Variants in NSUN7 observed in about 807,000 individuals in gnomAD.
NSUN7 encodes protein NSUN7.
Under a neutral mutation model 58.5 loss-of-function variants are expected in NSUN7, and 39 were observed. The observed-to-expected ratio is 0.67, with a 90% CI of 0.52 to 0.87. The LOEUF (loss-of-function observed/expected upper bound fraction) is 0.87. NSUN7 is among the 40% of genes least tolerant of loss of function. The pLI is 0.00. For synonymous variants in NSUN7, 278 were observed against 303.7 expected, an observed-to-expected ratio of 0.92 and a Z score of 0.88; for missense variants, 765 against 844.1, an observed-to-expected ratio of 0.91 and a Z score of 1.16.
intron 9 of NSUN7, among the ~76,000 whole-genome samples, chr4:40,795,493 A>C (rs1743283284): frequency 6.6e-6 from 1 of 152,348 alleles, no homozygotes; most frequent in East Asian, 1.9e-4. Context: ...TTTTAATTGG[A>C]TATTTCAAGC....
At chr4:40,754,869 A>G (rs1741061986) in intron 2 of NSUN7, among the ~76,000 whole-genome samples, 1 of 152,070 alleles carries the variant, frequency 6.6e-6, no homozygotes, top group Non-Finnish European at 1.5e-5. Context: ...GATGTCCTTC[A>G]TTGTATATAA....
Position 40,761,307 on chromosome 4 carries a change from C to A in NSUN7, c.488+6C>A. ...GTAGAGAACCTTCTTAACAGGTAAT[C>A]GTAAAAGTGAAAAGAATGTTTTATA... On this transcript the variant is annotated splice_donor_region_variant and intron_variant, in intron 4 of 11. Transcript: ENST00000381782. The A allele has an allele frequency of 6.3e-7, 1 of 1,597,126 alleles. No homozygotes were observed. The highest frequency in any genetic ancestry group is 1.1e-5 in the South Asian group (1 of 88,432).
In NSUN7 at chr4:40,774,859, A is replaced by G. The variant is rs2154287651; in HGVS notation, c.734A>G (p.Gln245Arg). The change falls in exon 6 of 12, where the codon CAA becomes CGA. Residue 245 changes from glutamine to arginine, a missense_variant. Physicochemically the swap from Gln to Arg is conservative, Grantham distance 43. Coordinates refer to ENST00000381782, the MANE Select transcript of NSUN7 (RefSeq NM_024677.6). ...GATGATAAAGTCTTTGCTGTGGATCAACATTGCTATGATGTCTTAATTTTT... is the reference window on the plus strand; with the variant it reads ...GATGATAAAGTCTTTGCTGTGGATCGACATTGCTATGATGTCTTAATTTTT... ...HIDDKVFAVD[Q>R]HCYDVLIFPS... 6.8e-7 allele frequency: 1 copy of G among 1,475,178 alleles called. No homozygotes were observed. Among genetic ancestry groups the G allele is most frequent in the South Asian group, 1.1e-5 (1 of 87,682 alleles). The allele number at this position is 1,475,178 out of a possible 1,614,324, so 91.4% of individuals were successfully genotyped here. A position where few individuals can be genotyped will look rare whatever the true frequency, so the allele number is the denominator to read the frequency against.
chr4:40,801,901 CAAAAAA>C (rs56868885), intron 10 of NSUN7, among the ~76,000 whole-genome samples: 29,214 of 107,474 alleles, frequency 0.27, 3,568 homozygotes, highest in East Asian at 0.46. Context: ...GACTCTGTCT[CAAAAAA>C]AAAAAAAAAA....
chr4:40,797,362 A>G (rs537420303), intron 9 of NSUN7, among the ~76,000 whole-genome samples: 1 of 152,092 alleles, frequency 6.6e-6, no homozygotes, highest in Non-Finnish European at 1.5e-5. Context: ...CTAAGCTTAT[A>G]TTTCCAGCTG....
rs1225888129 is a variant in NSUN7 at position 40,798,902 on chromosome 4, C to T, written c.1398C>T (p.Tyr466=). The change falls in exon 10 of 12, where the codon TAC becomes TAT. Residue 466 remains tyrosine (Y), a splice_region_variant and synonymous_variant. Transcript: ENST00000381782. The part of the protein sequence containing the change: ...FQDLGNKGQP[Y]RLSPPVLPLC... ...ACCTTGGGAATAAAGGACAACCTTA[C>T]AGGTAAGAAAAGGAAGGATTCTTCT... 6 of 1,520,156 alleles carry T rather than the reference C, an allele frequency of 3.9e-6. No individual in the cohort carries two copies. Among genetic ancestry groups the T allele is most frequent in the Non-Finnish European group, 5.5e-6 (6 of 1,100,328 alleles). The allele number at this position is 1,520,156 out of a possible 1,614,324, so 94.2% of individuals were successfully genotyped here. A position where few individuals can be genotyped will look rare whatever the true frequency, so the allele number is the denominator to read the frequency against.
At position 40,777,495 on chromosome 4, in the gene NSUN7, C is replaced by T. The variant is rs565530815; in HGVS notation, c.1036+1236C>T. 3.3e-5 allele frequency among the ~76,000 whole-genome samples: 5 copies of T among 152,004 alleles called. No homozygotes were observed. The South Asian group carries it at 8.3e-4, about 25-fold the overall frequency. ...ATTACAGGTACTCGCCAACATGCCC[C>T]GCTAATTTTTGTATTTCACCATGTT... On this transcript the variant is annotated intron_variant, in intron 7 of 11. Coordinates refer to ENST00000381782, the MANE Select transcript of NSUN7 (RefSeq NM_024677.6).
intron 2 of NSUN7, among the ~76,000 whole-genome samples, chr4:40,751,751 T>G (rs1740844539): frequency 6.6e-6 from 1 of 152,078 alleles, no homozygotes; most frequent in African/African-American, 2.4e-5. Flanking sequence ...CCCAGCACTT[T>G]TCGAAGCCAA....
At chr4:40,786,978 A>G (rs544005239) in intron 7 of NSUN7, among the ~76,000 whole-genome samples, 3 of 152,068 alleles carry the variant, frequency 2.0e-5, no homozygotes, top group Non-Finnish European at 4.4e-5. Flanking sequence ...TAGTAAATTG[A>G]CCAGAACACA....
At position 40,775,079 on chromosome 4, in the gene NSUN7, T is replaced by C. The variant is rs1187712380; in HGVS notation, c.825+129T>C. On this transcript the variant is annotated intron_variant, in intron 6 of 11. Coordinates refer to ENST00000381782, the MANE Select transcript of NSUN7 (RefSeq NM_024677.6). The surrounding 1 kb of genome is among the most constrained non-coding windows in gnomAD (Gnocchi z 4.3). ...TATCAGGGAGGTTTATAAGGCCTAA[T>C]TGTCACCTTGAATAAAATTAATACC... The C allele has an allele frequency of 2.1e-6, 1 of 468,354 alleles. No homozygotes were observed. Among genetic ancestry groups the C allele is most frequent in the Admixed American group, 4.0e-5 (1 of 25,182 alleles). 29.0% of individuals were successfully genotyped at this position (468,354 alleles called of 1,614,324 possible).
At chr4:40,781,478 G>A (rs1218939255) in intron 7 of NSUN7, among the ~76,000 whole-genome samples, 1 of 151,820 alleles carries the variant, frequency 6.6e-6, no homozygotes, top group Non-Finnish European at 1.5e-5. Flanking sequence ...ACGGGGTCTC[G>A]CTCTGTCACC....
chr4:40,806,556 C>T (rs980817524), intron 10 of NSUN7, among the ~76,000 whole-genome samples: 6 of 152,130 alleles, frequency 3.9e-5, no homozygotes, highest in African/African-American at 1.2e-4. Flanking sequence ...CACTATGTAA[C>T]TCATCTATTA....
chr4:40,778,077 T>C (rs1742355115), intron 7 of NSUN7, among the ~76,000 whole-genome samples: 1 of 152,128 alleles, frequency 6.6e-6, no homozygotes, highest in Non-Finnish European at 1.5e-5. Context: ...TACAGTAAAT[T>C]ACACAGAAAT....
At chr4:40,799,334 G>T (rs1356912234) in intron 10 of NSUN7, among the ~76,000 whole-genome samples, 1 of 151,858 alleles carries the variant, frequency 6.6e-6, no homozygotes, top group Non-Finnish European at 1.5e-5. Context: ...TAATCCACCT[G>T]CCTTGGCCTC....
intron 2 of NSUN7, 152 bp from the exon 3 acceptor site, chr4:40,760,282 G>T (rs1741384981): frequency 1.5e-6 from 1 of 645,842 alleles, no homozygotes; most frequent in Non-Finnish European, 2.7e-6. Context: ...ATTTCATCAT[G>T]TCACTGTAAT....
chr4:40,760,860 C>T lies in NSUN7; in HGVS notation c.358-311C>T, dbSNP rs1340223129. Reference sequence around the variant, plus strand: ...CTAGACAACAAGAGTGAAACTCCGTCTCAAAAAAAAAAAAAAAAAAAGATT... The same window carrying T: ...CTAGACAACAAGAGTGAAACTCCGTTTCAAAAAAAAAAAAAAAAAAAGATT... On this transcript the variant is annotated intron_variant, in intron 3 of 11. Coordinates refer to ENST00000381782, the MANE Select transcript of NSUN7 (RefSeq NM_024677.6). 5.6e-5 allele frequency among the ~76,000 whole-genome samples: 7 copies of T among 125,784 alleles called. No homozygotes were observed. In the South Asian group the frequency reaches 1.8e-3, roughly 32 times the overall value. 82.5% of individuals were successfully genotyped at this position (125,784 alleles called of 152,430 possible).
chr4:40,759,372 T>C (rs1375824496), intron 2 of NSUN7, among the ~76,000 whole-genome samples: 2 of 152,162 alleles, frequency 1.3e-5, no homozygotes, highest in Admixed American at 1.3e-4. Flanking sequence ...GTTTAAGTAG[T>C]CGTACCAAAA....
chr4:40,750,580 G>T (rs1740765434), intron 1 of NSUN7, 23 bp from the exon 2 acceptor site: 18 of 1,260,904 alleles, frequency 1.4e-5, no homozygotes, highest in Non-Finnish European at 1.9e-5. Flanking sequence ...GTGATTTACT[G>T]CAATCACCTT....
Position 40,809,918 on chromosome 4 carries a change from T to A in NSUN7, c.*979T>A, listed in dbSNP as rs1744101868. The A allele has an allele frequency of 6.6e-6, 1 of 152,228 alleles. No individual in the cohort carries two copies. The highest frequency in any genetic ancestry group is 2.4e-5 in the African/African-American group (1 of 41,460). 9.4% of individuals were successfully genotyped at this position (152,228 alleles called of 1,614,324 possible). A position where few individuals can be genotyped will look rare whatever the true frequency, so the allele number is the denominator to read the frequency against. On this transcript the variant is annotated 3_prime_UTR_variant, in exon 12 of 12. Coordinates refer to ENST00000381782, the MANE Select transcript of NSUN7 (RefSeq NM_024677.6). ...TGCCTACCAAAAATTGGTATGATTA[T>A]CATTTCTGGGTCTACTGATTTTTCA...
Sources: gnomAD v4.1 joint callset for allele counts (sites outside exome capture counted in the v4.1 genomes callset) on GRCh38, gnomAD v4.1.1 for gene constraint, Gnocchi (gnomAD v3.1) non-coding constraint, MANE v1.5 for transcripts, NCBI Gene and HGNC (gene_info 2026-07-23, HGNC 2026-07-21) for gene names.